LIMS1: variants seen among roughly 807,000 people sequenced by gnomAD.
LIMS1 encodes the protein LIM and senescent cell antigen-like-containing domain protein 1.
In LIMS1, 18 loss-of-function variants were observed where a neutral mutation model predicts 44.1. That is an observed-to-expected ratio of 0.41 (90% confidence interval 0.28 to 0.61). The LOEUF is 0.61. Ranked by LOEUF, LIMS1 falls within the 20% of genes least tolerant of loss-of-function variation. The pLI is 0.32. For missense variants in LIMS1, 201 were observed against 422.0 expected (o/e 0.48, Z 4.59); for synonymous variants, 93 against 149.1 (o/e 0.62, Z 2.74).
At chr2:108,616,756 G>A (rs748597590) in intron 1 of LIMS1, among the ~76,000 whole-genome samples, 2 of 152,042 alleles carry the variant, frequency 1.3e-5, no homozygotes, top group African/African-American at 4.8e-5. Context: ...ATGGTACATC[G>A]TTGAACCCTT....
chr2:108,620,279 T>G (rs1688163924), intron 1 of LIMS1, among the ~76,000 whole-genome samples: 1 of 152,218 alleles, frequency 6.6e-6, no homozygotes, highest in African/African-American at 2.4e-5. Flanking sequence ...CATTTCTCTG[T>G]GTTCTTGTCG....
Position 108,613,790 on chromosome 2 carries a change from C to A in LIMS1, c.33-45815C>A, listed in dbSNP as rs180969612. Among the ~76,000 whole-genome samples, 317 of 152,236 alleles carry A rather than the reference C, an allele frequency of 2.1e-3. 3 individuals carry two copies. The highest frequency in any genetic ancestry group is 7.3e-3 in the African/African-American group (303 of 41,570). On this transcript the variant is annotated intron_variant, in intron 1 of 9. Transcript: ENST00000544547. ...TTGTCTCATTTCACCTCCTAGCCCTCCCCTCAGCCACAGGGTCAGGCCCTC... is the reference window on the plus strand; with the variant it reads ...TTGTCTCATTTCACCTCCTAGCCCTACCCTCAGCCACAGGGTCAGGCCCTC...
At chr2:108,550,359 C>G (rs537715783) in intron 1 of LIMS1, among the ~76,000 whole-genome samples, 1 of 149,944 alleles carries the variant, frequency 6.7e-6, no homozygotes, top group Non-Finnish European at 1.5e-5. Context: ...ATTAGCCGGG[C>G]GCGGTGGCAG....
rs1691199907 is a variant in LIMS1, at chr2:108,659,726, C to T, written c.154C>T (p.Gln52Ter). The change falls in exon 2 of 10, where the codon CAG (glutamine) becomes TAG (stop). Residue 52 changes from glutamine (Q) to a stop codon, truncating the protein, a stop_gained. Coordinates refer to ENST00000544547, the Ensembl canonical transcript of LIMS1. LOFTEE classifies it high-confidence loss of function. ...CCATGAGCAGTGTTTCGTGTGCGCT[C>T]AGTGCTTCCAGCAGTTCCCAGAAGG... The T allele has an allele frequency of 1.2e-6, 2 of 1,612,432 alleles. No individual in the cohort carries two copies. The highest frequency in any genetic ancestry group is 1.7e-6 in the Non-Finnish European group (2 of 1,179,860).
chr2:108,555,188 GA>G (rs1402008759), intron 1 of LIMS1, among the ~76,000 whole-genome samples: 1 of 152,146 alleles, frequency 6.6e-6, no homozygotes, highest in African/African-American at 2.4e-5. Context: ...CAGTCATAAG[GA>G]AAGACTTTAT....
intron 1 of LIMS1, among the ~76,000 whole-genome samples, chr2:108,598,460 G>T (rs1686832381): frequency 6.6e-6 from 1 of 152,198 alleles, no homozygotes; most frequent in Admixed American, 6.5e-5. Context: ...AAAGCTGAAG[G>T]TAGGGCAGCC....
chr2:108,574,763 A>T (rs963880031), intron 1 of LIMS1, among the ~76,000 whole-genome samples: 1 of 152,216 alleles, frequency 6.6e-6, no homozygotes, highest in African/African-American at 2.4e-5. Context: ...ACCTGAAGCA[A>T]ACTCTTTGGT....
chr2:108,603,410 T>G (rs1394942318), intron 1 of LIMS1, among the ~76,000 whole-genome samples: 1 of 152,152 alleles, frequency 6.6e-6, no homozygotes, highest in Non-Finnish European at 1.5e-5. Context: ...GATTTTCCGA[T>G]TTATTGGCAT....
chr2:108,540,472 A>C (rs1398438851), intron 1 of LIMS1, among the ~76,000 whole-genome samples: 1 of 152,158 alleles, frequency 6.6e-6, no homozygotes, highest in African/African-American at 2.4e-5. Flanking sequence ...TGCTGGGATT[A>C]CAGACTTGAG....
At chr2:108,576,264 AGTTTTGTTTTGTTTT>A (rs10628741) in intron 1 of LIMS1, among the ~76,000 whole-genome samples, 2 of 151,982 alleles carry the variant, frequency 1.3e-5, no homozygotes, top group African/African-American at 4.8e-5. Flanking sequence ...CAACTAAGCA[AGTTTTGTTTTGTTTT>A]GTTTTGTTTT....
At chr2:108,650,657 C>A (rs967528444) in intron 1 of LIMS1, among the ~76,000 whole-genome samples, 2 of 152,016 alleles carry the variant, frequency 1.3e-5, no homozygotes, top group Non-Finnish European at 2.9e-5. Flanking sequence ...AACTCCTGAC[C>A]TCAGGTGATC....
intron 1 of LIMS1, among the ~76,000 whole-genome samples, chr2:108,555,137 C>G (rs565252588): frequency 2.4e-4 from 36 of 152,292 alleles, no homozygotes; most frequent in African/African-American, 8.2e-4. Context: ...CCCGTGGTGA[C>G]TGTTTATGGT....
chr2:108,642,391 G>A (rs372388691), intron 1 of LIMS1, among the ~76,000 whole-genome samples: 1 of 127,054 alleles, frequency 7.9e-6, no homozygotes, highest in East Asian at 2.2e-4. Context: ...ACGGAGTCTC[G>A]CTCTGTCGCC....
intron 1 of LIMS1, among the ~76,000 whole-genome samples, chr2:108,634,593 A>G (rs868612690): frequency 2.0e-5 from 3 of 152,216 alleles, no homozygotes; most frequent in African/African-American, 7.2e-5. Flanking sequence ...TGTCCTGGCG[A>G]CATCTCTGGA....
Position 108,675,876 on chromosome 2 carries a change from A to G in LIMS1, c.531-2A>G. The G allele has an allele frequency of 1.2e-6, 2 of 1,613,974 alleles. No individual in the cohort carries two copies. Among genetic ancestry groups the G allele is most frequent in the Non-Finnish European group, 1.7e-6 (2 of 1,179,862 alleles). ...TAAGCTGTGTGTCTTTCTCACGGAC[A>G]GGAAGGAGCTGACTGCCGATGCACG... On this transcript the variant is annotated splice_acceptor_variant, in intron 5 of 9. Transcript: ENST00000544547. LOFTEE classifies it high-confidence loss of function.
intron 1 of LIMS1, among the ~76,000 whole-genome samples, chr2:108,643,314 G>A (rs1237215334): frequency 1.3e-5 from 2 of 152,206 alleles, no homozygotes; most frequent in African/African-American, 2.4e-5. Context: ...ATCTCATTGG[G>A]ACTGGTTGGA....
intron 1 of LIMS1, among the ~76,000 whole-genome samples, chr2:108,647,054 A>T (rs778945927): frequency 2.0e-5 from 3 of 152,134 alleles, no homozygotes; most frequent in Non-Finnish European, 4.4e-5. Flanking sequence ...TCAACAAAAT[A>T]GATAGACCAC....
chr2:108,606,840 G>A (rs913837261), intron 1 of LIMS1, among the ~76,000 whole-genome samples: 3 of 152,314 alleles, frequency 2.0e-5, no homozygotes, highest in Middle Eastern at 3.4e-3. Flanking sequence ...GTAGATCCTG[G>A]AAACACAAGA....
intron 5 of LIMS1, 183 bp downstream of exon 5, chr2:108,673,212 A>G (rs1215936445): frequency 3.3e-6 from 3 of 901,336 alleles, no homozygotes; most frequent in South Asian, 1.8e-5. Context: ...ATTTCGTTTC[A>G]CCAGTTGACA....
Sources: gnomAD v4.1 joint callset for allele counts (sites outside exome capture counted in the v4.1 genomes callset) on GRCh38, gnomAD v4.1.1 for gene constraint, MANE v1.5 for transcripts, NCBI Gene and HGNC (gene_info 2026-07-23, HGNC 2026-07-21) for gene names.